TENT4A: variants seen among roughly 807,000 people sequenced by gnomAD.
TENT4A encodes the protein DNA polymerase kappa.
TENT4A carries 7 observed loss-of-function variants against 72.8 expected under a neutral mutation model. That is an observed-to-expected ratio of 0.10 (90% CI 0.05 to 0.18). The LOEUF (loss-of-function observed/expected upper bound fraction) is 0.18. Among genes scored for constraint, TENT4A ranks in the 10% least tolerant of loss-of-function variants. The pLI, the probability that TENT4A is intolerant of heterozygous loss-of-function variation, is 1.00. For missense variants in TENT4A, 831 were observed against 1,017.7 expected, an observed-to-expected ratio of 0.82 and a Z score of 2.50; for synonymous variants, 456 against 434.3, an observed-to-expected ratio of 1.05 and a Z score of -0.62.
chr5:6,735,898 C>CT (rs1741460386), intron 1 of TENT4A, among the ~76,000 whole-genome samples: 1 of 151,938 alleles, frequency 6.6e-6, no homozygotes, highest in Non-Finnish European at 1.5e-5. Context: ...GTAGCTGGGA[C>CT]TACAAGCATG....
chr5:6,742,555 G>C lies in TENT4A; in HGVS notation c.1074G>C (p.Glu358Asp). 2.5e-6 allele frequency: 4 copies of C among 1,613,686 alleles called. No homozygotes were observed. Among genetic ancestry groups the C allele is most frequent in the Non-Finnish European group, 3.4e-6 (4 of 1,179,570 alleles). The change falls in exon 5 of 13, where the codon GAG becomes GAC. Residue 358 changes from glutamate (E) to aspartate (D), a missense_variant. Physicochemically the swap from Glu to Asp is conservative, Grantham distance 45. This residue lies in a region of TENT4A where 197 missense variants were observed against 399.6 expected (regional missense o/e 0.49). Coordinates refer to ENST00000230859, the MANE Select transcript of TENT4A (RefSeq NM_006999.6). Reference sequence around the variant, plus strand: ...AAGTTGACATCAGCTTTAACATGGAGACGGGCGTCCGGGCAGCGGAGTTCA... The same window carrying C: ...AAGTTGACATCAGCTTTAACATGGACACGGGCGTCCGGGCAGCGGAGTTCA... ...EVKVDISFNM[E>D]TGVRAAEFIK...
chr5:6,734,081 T>A (rs1741343975), intron 1 of TENT4A, among the ~76,000 whole-genome samples: 1 of 152,168 alleles, frequency 6.6e-6, no homozygotes, highest in African/African-American at 2.4e-5. Flanking sequence ...GATTGATTGA[T>A]TCCATGCACA....
At chr5:6,743,409 C>G (rs1188253610) in intron 5 of TENT4A, among the ~76,000 whole-genome samples, 2 of 152,202 alleles carry the variant, frequency 1.3e-5, no homozygotes, top group Admixed American at 6.5e-5. Context: ...AGCACATAAA[C>G]ACTCCAGTGA....
chr5:6,714,196 G>T lies in TENT4A; in HGVS notation c.213G>T (p.Ala71=), dbSNP rs1342566845. The T allele has an allele frequency of 1.0e-6, 1 of 954,890 alleles. No individual in the cohort carries two copies. Among genetic ancestry groups the T allele is most frequent in the Non-Finnish European group, 1.2e-6 (1 of 809,742 alleles). 59.2% of individuals were successfully genotyped at this position (954,890 alleles called of 1,614,324 possible). A position where few individuals can be genotyped will look rare whatever the true frequency, so the allele number is the denominator to read the frequency against. The change falls in exon 1 of 13, where the codon GCG becomes GCT. Residue 71 remains alanine, a synonymous_variant. Transcript: ENST00000230859. ...GCCTGGGCCCCGCGCTGCCCGCCGC[G>T]TCGCCCCCGCCGCCCGGCCCCACCG... is the stretch of plus-strand genomic sequence containing the variant. ...SGGLGPALPA[A]SPPPPGPTAP... is the part of the protein sequence containing the mutation.
At chr5:6,750,182 T>C (rs768414236) in intron 9 of TENT4A, 149 bp from the exon 10 acceptor site, 74 of 489,258 alleles carry the variant, frequency 1.5e-4, no homozygotes, top group Non-Finnish European at 2.5e-4. Context: ...AATGTAATTT[T>C]TAAAATTAAA....
At chr5:6,747,979 C>T (rs183935288) in intron 7 of TENT4A, among the ~76,000 whole-genome samples, 309 of 152,346 alleles carry the variant, frequency 2.0e-3, no homozygotes, top group Non-Finnish European at 3.5e-3. Context: ...GTTCCATTAG[C>T]GTTGACTGAG....
At chr5:6,725,096 C>T (rs1483315657) in intron 1 of TENT4A, among the ~76,000 whole-genome samples, 1 of 152,160 alleles carries the variant, frequency 6.6e-6, no homozygotes, top group Non-Finnish European at 1.5e-5. Context: ...CCAAGGAGGG[C>T]GGATCACAAG....
At chr5:6,751,313 A>C (rs274679) in intron 11 of TENT4A, 116 bp downstream of exon 11, 698,675 of 1,085,302 alleles carry the variant, frequency 0.64, 227,188 homozygotes, top group Non-Finnish European at 0.67. Context: ...CTTTTTGAGT[A>C]TTTGGCCATT....
rs144444075 is a variant in TENT4A at position 6,744,772 on chromosome 5, T to G, written c.1245+932T>G. On this transcript the variant is annotated intron_variant, in intron 6 of 12. Transcript: ENST00000230859. ...CACTTTCCCCTCTGAGATGTGGCCC[T>G]TATATATAGCCTTTCTTCCATAGTT... 1.2e-3 allele frequency among the ~76,000 whole-genome samples: 188 copies of G among 152,368 alleles called. 1 individual carries two copies. Among genetic ancestry groups the G allele is most frequent in the African/African-American group, 4.5e-3 (186 of 41,580 alleles).
At chr5:6,727,969 C>G (rs1741020498) in intron 1 of TENT4A, among the ~76,000 whole-genome samples, 2 of 152,204 alleles carry the variant, frequency 1.3e-5, no homozygotes, top group Admixed American at 6.5e-5. Flanking sequence ...GTTCTTTTCT[C>G]TGTCTCCCTC....
chr5:6,746,382 G>A lies in TENT4A; in HGVS notation c.1414G>A (p.Gly472Arg). ...GGAGATCATGAAAGCCATGACCAGC[G>A]GGTACAGACCGTCGATGCTGTGCAT... Reference protein sequence around the residue: ...KEEIMKAMTSGYRPSMLCIED... With the variant: ...KEEIMKAMTSRYRPSMLCIED... The change falls in exon 7 of 13, where the codon GGG (glycine) becomes AGG (arginine). Residue 472 changes from glycine (G) to arginine (R), a missense_variant. Coordinates refer to ENST00000230859, the MANE Select transcript of TENT4A (RefSeq NM_006999.6). The A allele has an allele frequency of 1.2e-6, 2 of 1,614,162 alleles. No homozygotes were observed. Among genetic ancestry groups the A allele is most frequent in the Non-Finnish European group, 1.7e-6 (2 of 1,180,026 alleles).
At chr5:6,751,279 TG>T in intron 11 of TENT4A, 82 bp downstream of exon 11, 1 of 1,395,090 alleles carries the variant, frequency 7.2e-7, no homozygotes, top group Non-Finnish European at 1.0e-6. Flanking sequence ...AGGAGATTGA[TG>T]GTCCTTTGAA....
At position 6,717,808 on chromosome 5, in the gene TENT4A, G is replaced by A. The variant is rs531508461; in HGVS notation, c.716+3109G>A. On this transcript the variant is annotated intron_variant, in intron 1 of 12. Transcript: ENST00000230859. The stretch of plus-strand genomic sequence containing the variant: ...TCACTTGCAAGTGCTCTCATCCCCT[G>A]ACCCAGCAGGGCTTTGGGCTGTTGT... Among the ~76,000 whole-genome samples, 10 of 152,148 alleles carry A rather than the reference G, an allele frequency of 6.6e-5. 1 individual carries two copies. Among genetic ancestry groups the A allele is most frequent in the Non-Finnish European group, 8.8e-5 (6 of 68,030 alleles).
chr5:6,751,687 G>A (rs1314778561), intron 11 of TENT4A, among the ~76,000 whole-genome samples: 2 of 152,074 alleles, frequency 1.3e-5, no homozygotes, highest in African/African-American at 4.8e-5. Flanking sequence ...TTAAAATTTA[G>A]ATAAAATTAG....
At chr5:6,717,212 A>T (rs938560159) in intron 1 of TENT4A, among the ~76,000 whole-genome samples, 3 of 152,228 alleles carry the variant, frequency 2.0e-5, no homozygotes, top group Non-Finnish European at 4.4e-5. Context: ...GCCACCAAAA[A>T]GTCTTTCGGT....
chr5:6,744,312 A>G (rs1179297728), intron 6 of TENT4A, among the ~76,000 whole-genome samples: 2 of 152,254 alleles, frequency 1.3e-5, no homozygotes, highest in African/African-American at 4.8e-5. Context: ...GCTGAGTAAC[A>G]TGGAAAATCT....
At chr5:6,723,292 A>C (rs766634310) in intron 1 of TENT4A, among the ~76,000 whole-genome samples, 9 of 133,442 alleles carry the variant, frequency 6.7e-5, no homozygotes, top group South Asian at 2.5e-4. Flanking sequence ...TCTCCAGTCC[A>C]GCATGCAGGT....
At chr5:6,721,843 T>C (rs1420870012) in intron 1 of TENT4A, among the ~76,000 whole-genome samples, 1 of 152,202 alleles carries the variant, frequency 6.6e-6, no homozygotes. Context: ...CCAGTTAGGC[T>C]CTCCTGTGGC....
intron 1 of TENT4A, among the ~76,000 whole-genome samples, chr5:6,724,330 C>A (rs1345371322): frequency 6.6e-6 from 1 of 152,082 alleles, no homozygotes. Flanking sequence ...GGCATCGTCT[C>A]TAAACTTATG....
Sources: allele counts gnomAD v4.1 joint callset (sites outside exome capture counted in the v4.1 genomes callset), GRCh38; gene constraint gnomAD v4.1.1; regional missense constraint gnomAD v4.1.1; transcripts MANE v1.5; gene names NCBI Gene and HGNC (gene_info 2026-07-23, HGNC 2026-07-21).